The following PCDHA12 variants were observed in gnomAD, a reference collection of about 807,000 sequenced individuals.
PCDHA12 encodes protocadherin alpha-12.
PCDHA12 carries 44 observed loss-of-function variants against 60.0 expected under a neutral mutation model. The ratio of observed to expected loss-of-function variants is 0.73; its 90% CI spans 0.58 to 0.94. PCDHA12 has a LOEUF of 0.94. Among genes scored for constraint, PCDHA12 ranks in the 40% least tolerant of loss-of-function variants. PCDHA12 has a pLI of 0.00. For missense variants in PCDHA12, 1,276 were observed against 1,239.7 expected (o/e 1.03, Z -0.44); for synonymous variants, 569 against 553.0 (o/e 1.03, Z -0.40).
chr5:140,926,812 G>C, intron 1 of PCDHA12: 3 of 1,459,082 alleles, frequency 2.1e-6, no homozygotes, highest in Non-Finnish European at 1.8e-6. Flanking sequence ...CCCGCGGCTC[G>C]TGCTCTCCAG....
At chr5:140,941,290 T>A (rs1403658442) in intron 1 of PCDHA12, among the ~76,000 whole-genome samples, 1 of 69,836 alleles carries the variant, frequency 1.4e-5, no homozygotes, top group Non-Finnish European at 3.3e-5. Flanking sequence ...TCCTTTCTCT[T>A]TCTTTCTTTC....
chr5:140,971,919 C>G (rs529852735), intron 1 of PCDHA12, among the ~76,000 whole-genome samples: 1 of 152,162 alleles, frequency 6.6e-6, no homozygotes, highest in South Asian at 2.1e-4. Context: ...AGCCACACTG[C>G]TAGTGTTATT....
intron 1 of PCDHA12, chr5:140,881,341 G>C (rs1422783424): frequency 1.5e-5 from 15 of 984,968 alleles, no homozygotes; most frequent in Non-Finnish European, 1.7e-5. Flanking sequence ...ACGCCGATTC[G>C]GGCTACAATG....
chr5:140,941,245 TTCTTTCTTTC>T (rs1379125224), intron 1 of PCDHA12, among the ~76,000 whole-genome samples: 44 of 140,720 alleles, frequency 3.1e-4, no homozygotes, highest in Middle Eastern at 3.3e-3. Context: ...CTTTCTTTCT[TTCTTTCTTTC>T]TCTTTCTTTC....
At chr5:140,915,694 G>A (rs2077262169) in intron 1 of PCDHA12, among the ~76,000 whole-genome samples, 1 of 151,538 alleles carries the variant, frequency 6.6e-6, no homozygotes, top group African/African-American at 2.4e-5. Flanking sequence ...GTATGGTGAT[G>A]CAAGCACTCC....
intron 3 of PCDHA12, among the ~76,000 whole-genome samples, chr5:140,996,553 A>C (rs868960335): frequency 1.3e-5 from 2 of 152,172 alleles, no homozygotes; most frequent in African/African-American, 2.4e-5. Flanking sequence ...TGCTGTCACT[A>C]TCTTGAAGTT....
At chr5:140,892,242 C>A (rs1554185127) in intron 1 of PCDHA12, among the ~76,000 whole-genome samples, 3 of 152,034 alleles carry the variant, frequency 2.0e-5, no homozygotes, top group Non-Finnish European at 4.4e-5. Context: ...TCCACATAAA[C>A]CTGGTTATCT....
intron 1 of PCDHA12, among the ~76,000 whole-genome samples, chr5:140,959,381 A>G (rs2095484925): frequency 6.6e-6 from 1 of 152,190 alleles, no homozygotes; most frequent in African/African-American, 2.4e-5. Flanking sequence ...CTCAAAAAAA[A>G]AAGTCACAAA....
At chr5:141,007,395 C>CAAAAAAAAAAAAAAAAA (rs35800918) in intron 3 of PCDHA12, among the ~76,000 whole-genome samples, 5 of 94,868 alleles carry the variant, frequency 5.3e-5, no homozygotes, top group Non-Finnish European at 8.3e-5. Context: ...TACTAAAATA[C>CAAAAAAAAAAAAAAAAA]AAAAAAAAAA....
chr5:141,012,057 A>G lies in PCDHA12; in HGVS notation c.*2120A>G, dbSNP rs2098422809. 6.5e-6 allele frequency: 1 copy of G among 153,774 alleles called. No individual in the cohort carries two copies. Among genetic ancestry groups the G allele is most frequent in the African/African-American group, 2.4e-5 (1 of 41,454 alleles). The allele number at this position is 153,774 out of a possible 1,614,324, so 9.5% of individuals were successfully genotyped here. A position where few individuals can be genotyped will look rare whatever the true frequency, so the allele number is the denominator to read the frequency against. Reference sequence around the variant, plus strand: ...ATTGCATGGGGTAAAACTTGTTACCAACACATGTGAACCATTGCTACATTG... The same window carrying G: ...ATTGCATGGGGTAAAACTTGTTACCGACACATGTGAACCATTGCTACATTG... On this transcript the variant is annotated 3_prime_UTR_variant, in exon 4 of 4. Transcript: ENST00000398631.
chr5:140,998,195 A>C (rs1409926168), intron 3 of PCDHA12, among the ~76,000 whole-genome samples: 6 of 152,164 alleles, frequency 3.9e-5, no homozygotes, highest in African/African-American at 1.2e-4. Flanking sequence ...ACAAGTATTA[A>C]CTCCTTTAAT....
rs782044159 is a variant in PCDHA12 at position 140,883,367 on chromosome 5, G to T, written c.2367+5528G>T. On this transcript the variant is annotated intron_variant, in intron 1 of 3. Transcript: ENST00000398631. Reference sequence around the variant, plus strand: ...CATCAGAGAAGACACTCAGCCTAGCGCCATTATTGCCCTAATCAGTGTGTC... The same window carrying T: ...CATCAGAGAAGACACTCAGCCTAGCTCCATTATTGCCCTAATCAGTGTGTC... The T allele has an allele frequency of 5.6e-6, 9 of 1,614,006 alleles. No homozygotes were observed. Among genetic ancestry groups the T allele is most frequent in the Non-Finnish European group, 7.6e-6 (9 of 1,180,038 alleles).
intron 1 of PCDHA12, chr5:140,928,283 T>C (rs782493603): frequency 4.3e-6 from 7 of 1,614,178 alleles, no homozygotes; most frequent in Non-Finnish European, 5.1e-6. Flanking sequence ...GGGGCCTCTC[T>C]AGGCCGAGTG....
rs1367500775 is a variant in PCDHA12, at chr5:140,929,192, A to G, written c.2368-49757A>G. ...TCTCTGGGACTTGGTTCTGATAATA[A>G]CAGTTTGCTGTTGCGTGGGGAGTAC... On this transcript the variant is annotated intron_variant, in intron 1 of 3. Transcript: ENST00000398631. The G allele has an allele frequency of 8.1e-6, 13 of 1,614,124 alleles. 1 individual carries two copies. The highest frequency in any genetic ancestry group is 1.0e-5 in the Non-Finnish European group (12 of 1,180,018).
At chr5:141,005,313 T>C (rs1157761147) in intron 3 of PCDHA12, among the ~76,000 whole-genome samples, 1 of 151,958 alleles carries the variant, frequency 6.6e-6, no homozygotes, top group Non-Finnish European at 1.5e-5. Flanking sequence ...AATCTTACAG[T>C]GGTAGAGAAT....
chr5:140,972,583 T>G (rs1445659828), intron 1 of PCDHA12, among the ~76,000 whole-genome samples: 1 of 152,088 alleles, frequency 6.6e-6, no homozygotes, highest in African/African-American at 2.4e-5. Flanking sequence ...TAGGGCAGAA[T>G]TTCTCTTTGG....
chr5:140,879,027 G>C (rs2057822967), intron 1 of PCDHA12, among the ~76,000 whole-genome samples: 1 of 152,184 alleles, frequency 6.6e-6, no homozygotes, highest in African/African-American at 2.4e-5. Context: ...TTTTATTGAA[G>C]AGTGTCTTGA....
rs2098418669 is a variant in PCDHA12 at position 141,010,882 on chromosome 5, G to C, written c.*945G>C. On this transcript the variant is annotated 3_prime_UTR_variant, in exon 4 of 4. Transcript: ENST00000398631. ...GTCTATAGCTATAAATCTTTAAAGAGAAATATGAATACAATTCCCCTAAAC... is the reference window on the plus strand; with the variant it reads ...GTCTATAGCTATAAATCTTTAAAGACAAATATGAATACAATTCCCCTAAAC... The C allele has an allele frequency of 6.5e-6, 1 of 153,674 alleles. No homozygotes were observed. The allele number at this position is 153,674 out of a possible 1,614,324, so 9.5% of individuals were successfully genotyped here.
chr5:140,933,545 A>G (rs1424166462), intron 1 of PCDHA12, among the ~76,000 whole-genome samples: 1 of 152,114 alleles, frequency 6.6e-6, no homozygotes, highest in Non-Finnish European at 1.5e-5. Flanking sequence ...TAATGTTAAT[A>G]TAAAATAAAA....
Sources: gnomAD v4.1 joint callset for allele counts (sites outside exome capture counted in the v4.1 genomes callset) on GRCh38, gnomAD v4.1.1 for gene constraint, MANE v1.5 for transcripts, NCBI Gene and HGNC (gene_info 2026-07-23, HGNC 2026-07-21) for gene names.